ARMH4: variants seen among roughly 807,000 people sequenced by gnomAD.
ARMH4 encodes the protein armadillo-like helical domain-containing protein 4.
A neutral mutation model predicts 61.9 loss-of-function variants in ARMH4; 49 were observed. The ratio of observed to expected loss-of-function variants is 0.79; its 90% CI spans 0.63 to 1.00. The LOEUF is 1.00. Ranked by LOEUF, ARMH4 falls within the 50% of genes least tolerant of loss-of-function variation. The pLI is 0.00. For missense variants in ARMH4, 934 were observed against 930.0 expected (o/e 1.00, Z -0.06); for synonymous variants, 368 against 341.5 (o/e 1.08, Z -0.85).
At chr14:58,054,888 ATAAT>A (rs1884285514) in intron 5 of ARMH4, among the ~76,000 whole-genome samples, 6 of 148,548 alleles carry the variant, frequency 4.0e-5, no homozygotes, top group African/African-American at 1.5e-4. Flanking sequence ...AAAAAAAATA[ATAAT>A]AATAATAATA....
chr14:58,104,434 A>G (rs568931419), intron 4 of ARMH4, among the ~76,000 whole-genome samples: 3 of 152,338 alleles, frequency 2.0e-5, no homozygotes, highest in African/African-American at 7.2e-5. Context: ...TCATAGAAAA[A>G]GAAAGTTTTG....
intron 4 of ARMH4, among the ~76,000 whole-genome samples, chr14:58,125,937 C>G (rs1886881635): frequency 6.6e-6 from 1 of 152,104 alleles, no homozygotes; most frequent in South Asian, 2.1e-4. Flanking sequence ...CCCGACCAGT[C>G]AGATAGTAAA....
intron 5 of ARMH4, among the ~76,000 whole-genome samples, chr14:58,082,708 A>T (rs894078599): frequency 6.6e-6 from 1 of 152,202 alleles, no homozygotes; most frequent in African/African-American, 2.4e-5. Flanking sequence ...TGGAGAGCAG[A>T]CATTGTTCTG....
intron 5 of ARMH4, among the ~76,000 whole-genome samples, chr14:58,016,821 A>G (rs1029519479): frequency 2.0e-5 from 3 of 152,220 alleles, no homozygotes; most frequent in Non-Finnish European, 4.4e-5. Flanking sequence ...TACACAGAAA[A>G]GAAAGTAGGC....
intron 5 of ARMH4, among the ~76,000 whole-genome samples, chr14:58,051,056 T>G (rs2141199907): frequency 6.6e-6 from 1 of 151,640 alleles, no homozygotes; most frequent in East Asian, 1.9e-4. Flanking sequence ...ATAACTTTTT[T>G]GGGGAATGCA....
chr14:58,020,675 G>A (rs962465838), intron 5 of ARMH4, among the ~76,000 whole-genome samples: 5 of 152,076 alleles, frequency 3.3e-5, no homozygotes, highest in African/African-American at 1.2e-4. Context: ...TTCCATGTTC[G>A]CCAAGGACTT....
intron 5 of ARMH4, among the ~76,000 whole-genome samples, chr14:58,095,721 T>C (rs750103039): frequency 2.0e-5 from 3 of 152,214 alleles, no homozygotes; most frequent in Non-Finnish European, 4.4e-5. Flanking sequence ...ACAACCTGTA[T>C]GCCAATCTAT....
intron 4 of ARMH4, among the ~76,000 whole-genome samples, chr14:58,118,969 T>C (rs901757491): frequency 5.9e-5 from 9 of 152,220 alleles, no homozygotes; most frequent in African/African-American, 2.2e-4. Context: ...AGAATCTCCT[T>C]CTGCTGCTAA....
chr14:58,015,989 C>T (rs1882597568), intron 5 of ARMH4, among the ~76,000 whole-genome samples: 1 of 151,396 alleles, frequency 6.6e-6, no homozygotes, highest in Admixed American at 6.6e-5. Flanking sequence ...ACAAACATCA[C>T]AGTAATTAAA....
At chr14:58,123,147 T>C (rs1357849028) in intron 4 of ARMH4, among the ~76,000 whole-genome samples, 1 of 152,190 alleles carries the variant, frequency 6.6e-6, no homozygotes, top group Admixed American at 6.5e-5. Context: ...CACGCTTTTC[T>C]AATTATGCCT....
At chr14:58,026,287 C>A (rs1883017292) in intron 5 of ARMH4, among the ~76,000 whole-genome samples, 1 of 151,660 alleles carries the variant, frequency 6.6e-6, no homozygotes, top group African/African-American at 2.4e-5. Flanking sequence ...CATTATTCAC[C>A]AGGGGAGAAA....
chr14:58,064,159 ATAATATTTATGCATTCATT>A (rs1884628908), intron 5 of ARMH4, among the ~76,000 whole-genome samples: 3 of 150,062 alleles, frequency 2.0e-5, no homozygotes, highest in African/African-American at 7.6e-5. Flanking sequence ...ACGGTCACTT[ATAATATTTATGCATTCATT>A]AACTTTTCTC....
intron 4 of ARMH4, among the ~76,000 whole-genome samples, chr14:58,110,825 G>GCA: frequency 6.6e-6 from 1 of 152,072 alleles, no homozygotes; most frequent in African/African-American, 2.4e-5. Context: ...GGGTTCAAGT[G>GCA]ATTCTCCTGC....
chr14:58,063,857 C>G (rs535464066), intron 5 of ARMH4, among the ~76,000 whole-genome samples: 1 of 152,278 alleles, frequency 6.6e-6, no homozygotes, highest in South Asian at 2.1e-4. Flanking sequence ...AACGTTCCAC[C>G]TGGCTGGAAT....
chr14:58,098,068 T>C (rs986432410), intron 4 of ARMH4, among the ~76,000 whole-genome samples: 1 of 152,116 alleles, frequency 6.6e-6, no homozygotes, highest in African/African-American at 2.4e-5. Context: ...CCCTTGACTC[T>C]CGGCACAGCA....
At chr14:58,068,015 G>A (rs1374232190) in intron 5 of ARMH4, among the ~76,000 whole-genome samples, 1 of 152,172 alleles carries the variant, frequency 6.6e-6, no homozygotes, top group Non-Finnish European at 1.5e-5. Context: ...TAAGTGACCT[G>A]AATGATTCTT....
chr14:58,068,147 A>T (rs1340304276), intron 5 of ARMH4, among the ~76,000 whole-genome samples: 2 of 152,188 alleles, frequency 1.3e-5, no homozygotes, highest in East Asian at 3.8e-4. Context: ...TATTATTCAC[A>T]TCCCTGAAAA....
chr14:58,026,345 A>T (rs1280741128), intron 5 of ARMH4, among the ~76,000 whole-genome samples: 5 of 152,120 alleles, frequency 3.3e-5, no homozygotes. Flanking sequence ...GCGGAAAAAA[A>T]AAATCACTTC....
intron 5 of ARMH4, among the ~76,000 whole-genome samples, chr14:58,013,146 G>C (rs904322578): frequency 1.3e-5 from 2 of 152,142 alleles, no homozygotes; most frequent in African/African-American, 2.4e-5. Flanking sequence ...AGGAAGGAAG[G>C]AAACAGAGTG....
Sources: gnomAD v4.1 joint callset for allele counts (sites outside exome capture counted in the v4.1 genomes callset) on GRCh38, gnomAD v4.1.1 for gene constraint, MANE v1.5 for transcripts, NCBI Gene and HGNC (gene_info 2026-07-23, HGNC 2026-07-21) for gene names.